The following RBFOX1 variants were observed in gnomAD, a reference collection of about 807,000 sequenced individuals.
The protein encoded by RBFOX1 is RNA binding protein fox-1 homolog 1.
RBFOX1 carries 8 observed loss-of-function variants against 57.7 expected under a neutral mutation model. The observed-to-expected ratio is 0.14, with a 90% confidence interval of 0.08 to 0.25. The LOEUF (loss-of-function observed/expected upper bound fraction) is 0.25, where lower values mean the gene tolerates loss of function less well. RBFOX1 is among the 10% of genes least tolerant of loss of function. The pLI, the probability that RBFOX1 is intolerant of heterozygous loss-of-function variation, is 1.00. For missense variants in RBFOX1, 611 were observed against 548.5 expected (o/e 1.11, Z -1.14); for synonymous variants, 326 against 222.4 (o/e 1.47, Z -4.15).
intron 3 of RBFOX1, among the ~76,000 whole-genome samples, chr16:7,001,480 G>C (rs1224333311): frequency 4.0e-5 from 6 of 150,734 alleles, no homozygotes; most frequent in African/African-American, 1.5e-4. Context: ...ATTTTGAGAT[G>C]GAGTCTCGCT....
chr16:5,947,555 C>A lies in RBFOX1; in HGVS notation c.351+80220C>A, dbSNP rs751967067. Among the ~76,000 whole-genome samples the A allele has an allele frequency of 6.6e-5, 10 of 152,086 alleles. No homozygotes were observed. The highest frequency in any genetic ancestry group is 1.0e-4 in the Non-Finnish European group (7 of 68,012). ...CTAGGCTGGTGTCAGACTCCTAGCC[C>A]CAAGCAATTCTCACATATCAGCCTC... On this transcript the variant is annotated intron_variant, in intron 4 of 19. Transcript: ENST00000641259. This position sits in a 1 kb window ranked among gnomAD's most constrained non-coding sequence, Gnocchi z 7.2.
Position 7,292,179 on chromosome 16 carries a change from CAT to C in RBFOX1, c.28-225963_28-225962del, listed in dbSNP as rs1483085757. ...ATAGAACGTATTATATATCATATAT[CAT>C]ATATGATATAGAACGTATTATATAT... On this transcript the variant is annotated intron_variant, in intron 4 of 15. Coordinates refer to ENST00000550418, the MANE Select transcript of RBFOX1 (RefSeq NM_018723.4). Among the ~76,000 whole-genome samples, 32 of 117,494 alleles carry C rather than the reference CAT, an allele frequency of 2.7e-4. No homozygotes were observed. The South Asian group carries it at 4.4e-3, about 16-fold the overall frequency. The allele number at this position is 117,494 out of a possible 152,430, so 77.1% of individuals were successfully genotyped here. A position where few individuals can be genotyped will look rare whatever the true frequency, so the allele number is the denominator to read the frequency against.
intron 3 of RBFOX1, among the ~76,000 whole-genome samples, chr16:6,866,632 C>G (rs552692893): frequency 1.4e-5 from 2 of 142,540 alleles, no homozygotes; most frequent in African/African-American, 2.7e-5. Context: ...AGCTCCGCCT[C>G]CCCGGTTCAC....
intron 3 of RBFOX1, among the ~76,000 whole-genome samples, chr16:6,870,763 A>G (rs1051557780): frequency 1.3e-5 from 2 of 152,212 alleles, no homozygotes; most frequent in African/African-American, 4.8e-5. Context: ...CAGCCCCTCA[A>G]CAAACTAAAC....
At chr16:6,341,533 C>T (rs559025101) in intron 2 of RBFOX1, among the ~76,000 whole-genome samples, 16 of 152,192 alleles carry the variant, frequency 1.1e-4, no homozygotes, top group South Asian at 2.1e-4. Flanking sequence ...ATCTTGAAAA[C>T]AAAAGGATTC....
At chr16:6,190,931 C>T (rs1030792753) in intron 1 of RBFOX1, among the ~76,000 whole-genome samples, 10 of 152,136 alleles carry the variant, frequency 6.6e-5, no homozygotes, top group African/African-American at 2.2e-4. Flanking sequence ...GACAACACGC[C>T]GGGGGCTCCA....
At chr16:7,315,880 G>C (rs369889790) in intron 4 of RBFOX1, among the ~76,000 whole-genome samples, 170 of 152,030 alleles carry the variant, frequency 1.1e-3, no homozygotes, top group Non-Finnish European at 1.9e-3. Context: ...TTGTTTACTT[G>C]GTTTACATAT....
chr16:5,247,598 A>G (rs368461372), intron 1 of RBFOX1, among the ~76,000 whole-genome samples: 2 of 152,224 alleles, frequency 1.3e-5, no homozygotes, highest in African/African-American at 4.8e-5. Flanking sequence ...CTGCCTGTTC[A>G]TACAAATAAA....
intron 3 of RBFOX1, among the ~76,000 whole-genome samples, chr16:6,978,379 A>G (rs2087700117): frequency 6.6e-6 from 1 of 152,182 alleles, no homozygotes. Context: ...ACTCATACAG[A>G]CGTCATGAGG....
At chr16:5,972,578 G>C (rs2059984839) in intron 4 of RBFOX1, among the ~76,000 whole-genome samples, 1 of 152,206 alleles carries the variant, frequency 6.6e-6, no homozygotes, top group Non-Finnish European at 1.5e-5. Context: ...GGGAAAACAG[G>C]GATGAGATGC....
At chr16:5,631,976 G>C (rs1417165973) in intron 3 of RBFOX1, among the ~76,000 whole-genome samples, 3 of 152,274 alleles carry the variant, frequency 2.0e-5, no homozygotes, top group Admixed American at 6.5e-5. Flanking sequence ...GCCTCCACCT[G>C]TTTGCTCTCT....
rs568613090 is a variant in RBFOX1, at chr16:5,576,073, G to A, written c.259-22829G>A. 3.3e-5 allele frequency among the ~76,000 whole-genome samples: 5 copies of A among 152,088 alleles called. No homozygotes were observed. In the East Asian group the frequency reaches 5.8e-4, roughly 18 times the overall value. ...GCAATCTTGGCTTACTGCCACTTCC[G>A]TTGCCCAGGTTCAAGCAATTCTGCC... is the stretch of plus-strand genomic sequence containing the variant. On this transcript the variant is annotated intron_variant, in intron 2 of 2. Coordinates refer to the RBFOX1 transcript ENST00000585867.
intron 2 of RBFOX1, among the ~76,000 whole-genome samples, chr16:6,586,272 T>C (rs568991182): frequency 6.6e-6 from 1 of 152,308 alleles, no homozygotes; most frequent in South Asian, 2.1e-4. Flanking sequence ...GAACCACTCG[T>C]CTTACAACCT....
At chr16:6,059,858 T>C (rs372668090) in intron 1 of RBFOX1, among the ~76,000 whole-genome samples, 14 of 152,134 alleles carry the variant, frequency 9.2e-5, no homozygotes, top group African/African-American at 2.9e-4. Flanking sequence ...GAATAGAAAA[T>C]GTATCCTGAG....
intron 3 of RBFOX1, among the ~76,000 whole-genome samples, chr16:6,789,949 T>C (rs146211612): frequency 0.033 from 5,003 of 151,844 alleles, 123 homozygotes; most frequent in Non-Finnish European, 0.043. Flanking sequence ...CCCTAACTTA[T>C]TGATTTCTGG....
At chr16:6,659,467 C>T (rs2154096797) in intron 3 of RBFOX1, among the ~76,000 whole-genome samples, 1 of 152,248 alleles carries the variant, frequency 6.6e-6, no homozygotes, top group East Asian at 1.9e-4. Flanking sequence ...TCTTCCAGAT[C>T]AGGTATCTTA....
intron 2 of RBFOX1, among the ~76,000 whole-genome samples, chr16:6,344,815 C>T (rs1465038741): frequency 6.6e-5 from 10 of 151,328 alleles, no homozygotes; most frequent in African/African-American, 1.7e-4. Context: ...CTCAGCCTCC[C>T]GAGTGGCTAG....
At position 7,057,078 on chromosome 16, in the gene RBFOX1, T is replaced by A. The variant is rs141158225; in HGVS notation, c.27+4980T>A. 4.6e-5 allele frequency among the ~76,000 whole-genome samples: 7 copies of A among 150,964 alleles called. No individual in the cohort carries two copies. The East Asian group carries it at 1.2e-3, about 25-fold the overall frequency. On this transcript the variant is annotated intron_variant, in intron 4 of 15. Coordinates refer to ENST00000550418, the MANE Select transcript of RBFOX1 (RefSeq NM_018723.4). ...GATACTCAACAAGGTGAGCTACTGT[T>A]AATACAGTGTTATTCCCAATAATTA... is the stretch of plus-strand genomic sequence containing the variant.
intron 2 of RBFOX1, among the ~76,000 whole-genome samples, chr16:6,542,686 G>T (rs1046849602): frequency 6.6e-6 from 1 of 151,592 alleles, no homozygotes; most frequent in Non-Finnish European, 1.5e-5. Context: ...TAGAGACGGG[G>T]TTTCACTGTG....
Sources: gnomAD v4.1 joint callset for allele counts (sites outside exome capture counted in the v4.1 genomes callset) on GRCh38, gnomAD v4.1.1 for gene constraint, Gnocchi (gnomAD v3.1) non-coding constraint, MANE v1.5 for transcripts, NCBI Gene and HGNC (gene_info 2026-07-23, HGNC 2026-07-21) for gene names.